The following PPID variants were observed in gnomAD, a reference collection of about 807,000 sequenced individuals.
PPID encodes peptidylprolyl isomerase D, also known as peptidyl-prolyl cis-trans isomerase D.
A neutral mutation model predicts 48.1 loss-of-function variants in PPID; 47 were observed. The ratio of observed to expected loss-of-function variants is 0.98; its 90% CI spans 0.77 to 1.25. The LOEUF (loss-of-function observed/expected upper bound fraction) is 1.25, where lower values mean the gene tolerates loss of function less well. Ranked by LOEUF, PPID falls within the 50% of genes most tolerant of loss-of-function variation. The pLI, the probability that PPID is intolerant of heterozygous loss-of-function variation, is 0.00. For synonymous variants in PPID, 163 were observed against 148.8 expected, an observed-to-expected ratio of 1.10 and a Z score of -0.69; for missense variants, 429 against 443.5, an observed-to-expected ratio of 0.97 and a Z score of 0.29.
intron 1 of PPID, among the ~76,000 whole-genome samples, chr4:158,722,281 T>C (rs1212966356): frequency 6.6e-6 from 1 of 152,226 alleles, no homozygotes; most frequent in East Asian, 1.9e-4. Context: ...GAATTTCCAA[T>C]CACCAAGCAA....
chr4:158,715,521 TA>T, intron 5 of PPID, 40 bp downstream of exon 5: 1 of 1,600,848 alleles, frequency 6.2e-7, no homozygotes, highest in East Asian at 2.2e-5. Flanking sequence ...TATTTTCACT[TA>T]CTAAATTAAT....
At chr4:158,710,576 A>AT in intron 9 of PPID, 52 bp downstream of exon 9, 1 of 1,560,762 alleles carries the variant, frequency 6.4e-7, no homozygotes, top group Non-Finnish European at 8.8e-7. Context: ...GTTCCTGAGG[A>AT]TAAGTATTTA....
intron 6 of PPID, among the ~76,000 whole-genome samples, chr4:158,715,094 T>C (rs764110383): frequency 1.3e-5 from 2 of 152,166 alleles, no homozygotes; most frequent in South Asian, 2.1e-4. Flanking sequence ...GTAAAACTTA[T>C]GAGTAATTAT....
In PPID at chr4:158,713,240, G is replaced by C. The variant is rs760754001; in HGVS notation, c.773C>G (p.Ala258Gly). The change falls in exon 7 of 10, where the codon GCT (alanine) becomes GGT (glycine). Residue 258 changes from alanine (A) to glycine (G), a missense_variant. Coordinates refer to ENST00000307720, the MANE Select transcript of PPID (RefSeq NM_005038.3). ...EVLRYVDSSK[A>G]VIETADRAKL... ...GGCTCTATCTGCTGTCTCAATAACAGCCTTTGAACTGTCCACGTATCTGCA... is the reference window on the plus strand; with the variant it reads ...GGCTCTATCTGCTGTCTCAATAACACCCTTTGAACTGTCCACGTATCTGCA... 1 of 1,613,368 alleles carries C rather than the reference G, an allele frequency of 6.2e-7. No homozygotes were observed. Among genetic ancestry groups the C allele is most frequent in the Non-Finnish European group, 8.5e-7 (1 of 1,179,814 alleles).
chr4:158,714,445 G>A (rs1774837600), intron 6 of PPID, among the ~76,000 whole-genome samples: 1 of 152,008 alleles, frequency 6.6e-6, no homozygotes, highest in Admixed American at 6.6e-5. Context: ...CAACTGACTT[G>A]GACTCCACAA....
chr4:158,717,150 G>A lies in PPID; in HGVS notation c.384C>T (p.Asn128=), dbSNP rs150812689. 1.4e-4 allele frequency: 219 copies of A among 1,614,054 alleles called. 2 individuals are homozygous for A. In the Middle Eastern group the frequency reaches 2.5e-3, roughly 18 times the overall value. Residue 128 remains asparagine (N), a synonymous_variant, in exon 4 of 10, where the codon AAC becomes AAT. Coordinates refer to ENST00000307720, the MANE Select transcript of PPID (RefSeq NM_005038.3). ...LSMANAGRNT[N]GSQFFITTVP... ...CTGTTGTGATAAAAAACTGAGAACC[G>A]TTTGTGTTGCGGCCTGCATTTGCCA...
chr4:158,715,403 C>T lies in PPID; in HGVS notation c.646G>A (p.Val216Ile), dbSNP rs555544713. The change falls in exon 6 of 10, where the codon GTA becomes ATA. Residue 216 changes from valine to isoleucine, a missense_variant and splice_region_variant. Transcript: ENST00000307720. Reference sequence around the variant, plus strand: ...TCTGTTATTAATAAAATTTTATCTACCTGTATAAAAAAATACAAATATGTT... The same window carrying T: ...TCTGTTATTAATAAAATTTTATCTATCTGTATAAAAAAATACAAATATGTT... Reference protein sequence around the residue: ...PEDADIDLKDVDKILLITEDL... With the variant: ...PEDADIDLKDIDKILLITEDL... The T allele has an allele frequency of 3.3e-6, 5 of 1,495,740 alleles. No individual in the cohort carries two copies. The South Asian group carries it at 5.3e-5, about 16-fold the overall frequency. 92.7% of individuals were successfully genotyped at this position (1,495,740 alleles called of 1,614,324 possible). A position where few individuals can be genotyped will look rare whatever the true frequency, so the allele number is the denominator to read the frequency against.
At chr4:158,720,815 T>C (rs535756627) in intron 2 of PPID, among the ~76,000 whole-genome samples, 11 of 152,184 alleles carry the variant, frequency 7.2e-5, no homozygotes, top group South Asian at 6.2e-4. Flanking sequence ...TCTGAGTTCA[T>C]GCCATTCTAC....
At chr4:158,713,873 CAAT>C (rs1427429667) in intron 6 of PPID, among the ~76,000 whole-genome samples, 2 of 152,170 alleles carry the variant, frequency 1.3e-5, no homozygotes, top group African/African-American at 4.8e-5. Context: ...AAAAGAATGA[CAAT>C]AATAGCGTAC....
chr4:158,720,523 T>C (rs1276041976), intron 2 of PPID, among the ~76,000 whole-genome samples: 1 of 152,172 alleles, frequency 6.6e-6, no homozygotes, highest in Non-Finnish European at 1.5e-5. Flanking sequence ...CTTGAACTCA[T>C]AGAGCCTGCA....
rs17843891 is a variant in PPID, at chr4:158,721,282, A to G, written c.226+61T>C. 25,335 of 1,562,666 alleles carry G rather than the reference A, an allele frequency of 0.016. 1,286 individuals are homozygous for G. The African/African-American group carries it at 0.18, about 11-fold the overall frequency. On this transcript the variant is annotated intron_variant, in intron 2 of 9. Coordinates refer to ENST00000307720, the MANE Select transcript of PPID (RefSeq NM_005038.3). ...TCCTACTTAGTGTTTTCTTCCCCAA[A>G]TCCTAAAGAACAGGACTTGTCTGTA...
rs142096418 is a variant in PPID at position 158,721,449 on chromosome 4, G to A, written c.120C>T (p.Ile40=). 150 of 1,613,996 alleles carry A rather than the reference G, an allele frequency of 9.3e-5. No homozygotes were observed. Among genetic ancestry groups the A allele is most frequent in the South Asian group, 3.8e-4 (35 of 91,076 alleles). ...GRIVLELFAD[I]VPKTAENFRA... ...GAAAATTTTCCGCAGTTTTGGGTAC[G>A]ATATCTGCAAACAATTCTAAGACAA... is the stretch of plus-strand genomic sequence containing the variant. The change falls in exon 2 of 10, where the codon ATC becomes ATT. Residue 40 remains isoleucine, a synonymous_variant. Transcript: ENST00000307720.
intron 7 of PPID, among the ~76,000 whole-genome samples, chr4:158,712,288 G>T (rs1774801115): frequency 6.6e-6 from 1 of 152,072 alleles, no homozygotes; most frequent in South Asian, 2.1e-4. Context: ...TGTTCCAATA[G>T]AACCCATTCT....
chr4:158,713,213 T>C lies in PPID; in HGVS notation c.800A>G (p.Lys267Arg), dbSNP rs1236342608. The C allele has an allele frequency of 1.2e-5, 19 of 1,614,036 alleles. No individual in the cohort carries two copies. Among genetic ancestry groups the C allele is most frequent in the Non-Finnish European group, 1.6e-5 (19 of 1,179,960 alleles). Residue 267 changes from lysine to arginine, a missense_variant, in exon 7 of 10, where the codon AAG becomes AGG. Coordinates refer to ENST00000307720, the MANE Select transcript of PPID (RefSeq NM_005038.3). ...KAVIETADRA[K>R]LQPIALSCVL... ...ACAGCTTAAAGCTATAGGTTGCAGC[T>C]TGGCTCTATCTGCTGTCTCAATAAC...
In PPID at chr4:158,710,609, A is replaced by C. The variant is rs760196503; in HGVS notation, c.1024+19T>G. On this transcript the variant is annotated intron_variant, in intron 9 of 9. Transcript: ENST00000307720. ...TTAAATAACAAAATTAACTTTCACT[A>C]CAAAAGCTGCCAACTTACCTTTATC... 1 of 1,610,578 alleles carries C rather than the reference A, an allele frequency of 6.2e-7. No individual in the cohort carries two copies. Among genetic ancestry groups the C allele is most frequent in the South Asian group, 1.1e-5 (1 of 90,992 alleles).
Position 158,710,617 on chromosome 4 carries a change from T to C in PPID, c.1024+11A>G. On this transcript the variant is annotated intron_variant, in intron 9 of 9. Transcript: ENST00000307720. ...CAAAATTAACTTTCACTACAAAAGC[T>C]GCCAACTTACCTTTATCTTCTGGTG... 2 of 1,612,586 alleles carry C rather than the reference T, an allele frequency of 1.2e-6. No homozygotes were observed. The highest frequency in any genetic ancestry group is 1.7e-6 in the Non-Finnish European group (2 of 1,179,026).
chr4:158,722,582 C>A (rs926125340), intron 1 of PPID, among the ~76,000 whole-genome samples: 1 of 152,226 alleles, frequency 6.6e-6, no homozygotes, highest in Non-Finnish European at 1.5e-5. Context: ...AGTTACAAAG[C>A]AACACGCTCC....
chr4:158,721,536 A>G, intron 1 of PPID, 53 bp from the exon 2 acceptor site: 1 of 1,569,448 alleles, frequency 6.4e-7, no homozygotes, highest in Non-Finnish European at 8.7e-7. Flanking sequence ...TAGACAAATG[A>G]TAAAAAGAAG....
chr4:158,719,085 A>G, intron 3 of PPID, 95 bp downstream of exon 3: 1 of 739,450 alleles, frequency 1.4e-6, no homozygotes, highest in African/African-American at 1.8e-5. Flanking sequence ...GAATCTAAGC[A>G]CACTTGAAAC....
Sources: allele counts gnomAD v4.1 joint callset (sites outside exome capture counted in the v4.1 genomes callset), GRCh38; gene constraint gnomAD v4.1.1; transcripts MANE v1.5; gene names NCBI Gene and HGNC (gene_info 2026-07-23, HGNC 2026-07-21).